CAB39: variants seen among roughly 807,000 people sequenced by gnomAD.
The protein encoded by CAB39 is calcium-binding protein 39.
In CAB39, 8 loss-of-function variants were observed where a neutral mutation model predicts 40.0. The observed-to-expected ratio is 0.20, with a 90% CI of 0.12 to 0.36. The LOEUF (loss-of-function observed/expected upper bound fraction) is 0.36, where lower values mean the gene tolerates loss of function less well. Ranked by LOEUF, CAB39 falls within the 10% of genes least tolerant of loss-of-function variation. The pLI is 1.00. For synonymous variants in CAB39, 156 were observed against 141.6 expected (o/e 1.10, Z -0.72); for missense variants, 270 against 401.1 (o/e 0.67, Z 2.79).
At position 230,807,026 on chromosome 2, in the gene CAB39, T is replaced by TTTC. The variant is rs1696208022; in HGVS notation, c.568-3233_568-3231dup. ...TGGACTTGGGAAATGATCCCTAGTC[T>TTTC]TTCTTCCATTATATGAGGGCCTGGC... On this transcript the variant is annotated intron_variant, in intron 5 of 8. Coordinates refer to ENST00000258418, the MANE Select transcript of CAB39 (RefSeq NM_016289.4). Among the ~76,000 whole-genome samples, 4 of 152,274 alleles carry TTTC rather than the reference T, an allele frequency of 2.6e-5. No individual in the cohort carries two copies. The South Asian group carries it at 8.3e-4, about 32-fold the overall frequency.
At chr2:230,732,402 G>T (rs2124876000) in intron 1 of CAB39, among the ~76,000 whole-genome samples, 1 of 152,234 alleles carries the variant, frequency 6.6e-6, no homozygotes, top group Admixed American at 6.5e-5. Flanking sequence ...CTTAACAGGA[G>T]AACTCAGTTT....
At chr2:230,741,024 A>T (rs1694867295) in intron 1 of CAB39, among the ~76,000 whole-genome samples, 2 of 152,200 alleles carry the variant, frequency 1.3e-5, no homozygotes, top group Admixed American at 1.3e-4. Context: ...GGAGTATGGG[A>T]TCCAGTTTGG....
rs765141221 is a variant in CAB39, at chr2:230,798,908, CTG to C, written c.567+13_567+14del. ...TTTGCCACATTCAAGGTAACAAAAA[CTG>C]TAGAATTCTAAATATCCTTGAAAGT... On this transcript the variant is annotated intron_variant, in intron 5 of 8. Coordinates refer to ENST00000258418, the MANE Select transcript of CAB39 (RefSeq NM_016289.4). The C allele has an allele frequency of 2.9e-5, 46 of 1,572,702 alleles. No homozygotes were observed. Among genetic ancestry groups the C allele is most frequent in the Non-Finnish European group, 3.9e-5 (45 of 1,152,276 alleles).
At chr2:230,766,072 G>A (rs1165522968) in intron 2 of CAB39, among the ~76,000 whole-genome samples, 2 of 152,174 alleles carry the variant, frequency 1.3e-5, no homozygotes, top group Admixed American at 6.5e-5. Flanking sequence ...TCGAAAGGAA[G>A]TAGCAACTAA....
chr2:230,781,534 T>G (rs1695686270), intron 2 of CAB39, among the ~76,000 whole-genome samples: 1 of 152,236 alleles, frequency 6.6e-6, no homozygotes, highest in Non-Finnish European at 1.5e-5. Context: ...GACCTTGAGC[T>G]GCTCGCATGA....
At chr2:230,806,561 T>C (rs1696198029) in intron 5 of CAB39, among the ~76,000 whole-genome samples, 1 of 151,960 alleles carries the variant, frequency 6.6e-6, no homozygotes, top group African/African-American at 2.4e-5. Context: ...ATTCGAGGAG[T>C]GGTTAAAGGA....
At chr2:230,721,102 A>G (rs1253043577) in intron 1 of CAB39, among the ~76,000 whole-genome samples, 2 of 152,140 alleles carry the variant, frequency 1.3e-5, no homozygotes, top group Non-Finnish European at 2.9e-5. Flanking sequence ...CGTTCTTTCT[A>G]TAAATATTAA....
chr2:230,782,247 T>C lies in CAB39; in HGVS notation c.115-8625T>C, dbSNP rs751557180. Among the ~76,000 whole-genome samples the C allele has an allele frequency of 2.6e-5, 4 of 152,240 alleles. No individual in the cohort carries two copies. The East Asian group carries it at 7.7e-4, about 29-fold the overall frequency. ...ATTGCCTTCTCTTGTGAAACACTTATTAAAATTTTCTGATCATCTTTTGGT... is the reference window on the plus strand; with the variant it reads ...ATTGCCTTCTCTTGTGAAACACTTACTAAAATTTTCTGATCATCTTTTGGT... On this transcript the variant is annotated intron_variant, in intron 2 of 8. Coordinates refer to ENST00000258418, the MANE Select transcript of CAB39 (RefSeq NM_016289.4).
chr2:230,811,480 CT>C (rs1368211456), intron 6 of CAB39, among the ~76,000 whole-genome samples: 1 of 152,174 alleles, frequency 6.6e-6, no homozygotes, highest in African/African-American at 2.4e-5. Flanking sequence ...ATGTTCATTG[CT>C]TTAAAATGGC....
At chr2:230,785,117 A>G (rs557937699) in intron 2 of CAB39, among the ~76,000 whole-genome samples, 109 of 152,362 alleles carry the variant, frequency 7.2e-4, no homozygotes, top group Middle Eastern at 3.4e-3. Flanking sequence ...GATTTGGAAT[A>G]CATACATATA....
intron 2 of CAB39, among the ~76,000 whole-genome samples, chr2:230,766,073 T>G (rs996760373): frequency 2.0e-5 from 3 of 152,146 alleles, no homozygotes; most frequent in African/African-American, 7.2e-5. Flanking sequence ...CGAAAGGAAG[T>G]AGCAACTAAT....
intron 6 of CAB39, among the ~76,000 whole-genome samples, chr2:230,811,107 TAA>T (rs1263433292): frequency 6.6e-6 from 1 of 152,200 alleles, no homozygotes; most frequent in Non-Finnish European, 1.5e-5. Flanking sequence ...TAGGTACCCG[TAA>T]AGAGGTTAGA....
chr2:230,742,875 T>C (rs1347904712), intron 1 of CAB39, among the ~76,000 whole-genome samples: 1 of 152,238 alleles, frequency 6.6e-6, no homozygotes, highest in Non-Finnish European at 1.5e-5. Context: ...CATGGACTTT[T>C]GATTCAAGAC....
intron 2 of CAB39, among the ~76,000 whole-genome samples, chr2:230,771,513 T>TG (rs770412212): frequency 1.3e-5 from 2 of 152,190 alleles, no homozygotes; most frequent in Non-Finnish European, 2.9e-5. Flanking sequence ...ATGTTGTTCA[T>TG]GGGTTGGGAA....
intron 1 of CAB39, among the ~76,000 whole-genome samples, chr2:230,746,323 G>A (rs551681945): frequency 1.3e-5 from 2 of 152,230 alleles, no homozygotes; most frequent in East Asian, 1.9e-4. Context: ...GAAAGTGTTC[G>A]CAGACATTGG....
At chr2:230,714,056 G>A (rs1441166364) in intron 1 of CAB39, 3 of 152,390 alleles carry the variant, frequency 2.0e-5, no homozygotes, top group African/African-American at 7.2e-5. Flanking sequence ...GATTGCAGAA[G>A]AGGTGTGTGG....
chr2:230,754,958 G>A (rs996153690), intron 1 of CAB39, among the ~76,000 whole-genome samples: 4 of 152,216 alleles, frequency 2.6e-5, no homozygotes, highest in African/African-American at 9.7e-5. Flanking sequence ...CCATTCTTGA[G>A]TTACTTCACT....
At chr2:230,773,876 C>G (rs1695536468) in intron 2 of CAB39, among the ~76,000 whole-genome samples, 1 of 152,104 alleles carries the variant, frequency 6.6e-6, no homozygotes, top group African/African-American at 2.4e-5. Flanking sequence ...CTGACTTTTT[C>G]AGAAGACAGC....
intron 2 of CAB39, among the ~76,000 whole-genome samples, chr2:230,780,798 T>C (rs1472860634): frequency 6.6e-6 from 1 of 152,198 alleles, no homozygotes; most frequent in Non-Finnish European, 1.5e-5. Flanking sequence ...ATAAGTATCT[T>C]GGAGCCAGGC....
Sources: allele counts gnomAD v4.1 joint callset (sites outside exome capture counted in the v4.1 genomes callset), GRCh38; gene constraint gnomAD v4.1.1; transcripts MANE v1.5; gene names NCBI Gene and HGNC (gene_info 2026-07-23, HGNC 2026-07-21).